Variants in PLEKHG4B observed in about 807,000 individuals in gnomAD.
The protein encoded by PLEKHG4B is pleckstrin homology and RhoGEF domain containing G4B, also known as pleckstrin homology domain-containing family G member 4B.
Under a neutral mutation model 121.3 loss-of-function variants are expected in PLEKHG4B, and 111 were observed. That is an observed-to-expected ratio of 0.92 (90% CI 0.78 to 1.07). The LOEUF (loss-of-function observed/expected upper bound fraction) is 1.07. Ranked by LOEUF, PLEKHG4B falls within the 50% of genes least tolerant of loss-of-function variation. The pLI is 0.00. For missense variants in PLEKHG4B, 1,831 were observed against 1,757.8 expected (o/e 1.04, Z -0.74); for synonymous variants, 738 against 725.0 (o/e 1.02, Z -0.29).
rs779828564 is a variant in PLEKHG4B at position 162,828 on chromosome 5, C to G, written c.2756C>G (p.Ala919Gly). The change falls in exon 13 of 20, where the codon GCC becomes GGC. Residue 919 changes from alanine (A) to glycine (G), a missense_variant. By Grantham distance (60) the Ala-to-Gly change is moderately conservative. Coordinates refer to ENST00000637938, the MANE Select transcript of PLEKHG4B (RefSeq NM_052909.5). ...HQEATSVAAE[A>G]FPGAGVAVLK... ...GAGGCTACCTCGGTGGCTGCAGAGG[C>G]CTTCCCCGGGGCAGGTGTGGCAGTG... is the stretch of plus-strand genomic sequence containing the variant. 2 of 1,512,530 alleles carry G rather than the reference C, an allele frequency of 1.3e-6. No homozygotes were observed. Among genetic ancestry groups the G allele is most frequent in the South Asian group, 2.7e-5 (2 of 75,390 alleles). The allele number at this position is 1,512,530 out of a possible 1,614,324, so 93.7% of individuals were successfully genotyped here. A position where few individuals can be genotyped will look rare whatever the true frequency, so the allele number is the denominator to read the frequency against.
intron 19 of PLEKHG4B, 86 bp downstream of exon 19, chr5:181,761 C>T (rs1733393849): frequency 2.0e-6 from 3 of 1,518,354 alleles, no homozygotes; most frequent in Non-Finnish European, 2.7e-6. Flanking sequence ...GCATCGGCCC[C>T]ACCCTCACTC....
intron 18 of PLEKHG4B, 67 bp from the exon 19 acceptor site, chr5:181,447 G>T: frequency 6.6e-7 from 1 of 1,521,668 alleles, no homozygotes; most frequent in South Asian, 1.2e-5. Flanking sequence ...TAGGGGTACC[G>T]GGCGTCTTTG....
chr5:144,534 C>T (rs982998903), intron 5 of PLEKHG4B, among the ~76,000 whole-genome samples: 3 of 152,178 alleles, frequency 2.0e-5, no homozygotes, highest in Non-Finnish European at 4.4e-5. Context: ...TGGAGCACGG[C>T]CCATTTCGTC....
intron 1 of PLEKHG4B, among the ~76,000 whole-genome samples, chr5:96,523 C>T (rs552448619): frequency 6.6e-6 from 1 of 152,122 alleles, no homozygotes; most frequent in East Asian, 1.9e-4. Flanking sequence ...TAGAAGTGCC[C>T]AAATTATTAG....
intron 18 of PLEKHG4B, among the ~76,000 whole-genome samples, chr5:174,737 GA>G (rs1244148131): frequency 6.6e-6 from 1 of 152,124 alleles, no homozygotes; most frequent in Admixed American, 6.5e-5. Flanking sequence ...TGGTAAGGGT[GA>G]GGGGTATATT....
At chr5:150,258 A>G (rs543555536) in intron 6 of PLEKHG4B, among the ~76,000 whole-genome samples, 93 of 152,344 alleles carry the variant, frequency 6.1e-4, no homozygotes, top group Non-Finnish European at 1.1e-3. Flanking sequence ...TAAGCCAATC[A>G]CAAAAAGACA....
chr5:144,633 C>T (rs549467795), intron 5 of PLEKHG4B, among the ~76,000 whole-genome samples, 194 bp from the exon 6 acceptor site: 183 of 152,260 alleles, frequency 1.2e-3, no homozygotes, highest in Non-Finnish European at 2.2e-3. Flanking sequence ...GCAGGTTCCA[C>T]GAGAGGAACA....
At chr5:92,641 C>G (rs1219484905) in intron 1 of PLEKHG4B, among the ~76,000 whole-genome samples, 1 of 151,526 alleles carries the variant, frequency 6.6e-6, no homozygotes, top group Non-Finnish European at 1.5e-5. Context: ...CTTCTTCAGG[C>G]ACCCTTTTCC....
chr5:179,961 ACT>A (rs1314282173), intron 18 of PLEKHG4B, among the ~76,000 whole-genome samples: 1 of 150,796 alleles, frequency 6.6e-6, no homozygotes, highest in African/African-American at 2.4e-5. Context: ...TCCTTTTGAG[ACT>A]CTCTATCCTG....
chr5:103,265 G>A (rs760912691), intron 1 of PLEKHG4B, among the ~76,000 whole-genome samples: 3 of 152,224 alleles, frequency 2.0e-5, no homozygotes, highest in South Asian at 4.1e-4. Flanking sequence ...GGGTTTTCCC[G>A]GGTGCTTTAT....
At chr5:164,532 CAG>C (rs201671668) in intron 13 of PLEKHG4B, among the ~76,000 whole-genome samples, 19,916 of 55,398 alleles carry the variant, frequency 0.36, 3,651 homozygotes, top group Non-Finnish European at 0.46. Context: ...AATGCTGTGA[CAG>C]GGGGCGGAGC....
chr5:97,954 T>A (rs920377973), intron 1 of PLEKHG4B, among the ~76,000 whole-genome samples: 1 of 152,192 alleles, frequency 6.6e-6, no homozygotes, highest in Admixed American at 6.5e-5. Context: ...TGTTCTTTTA[T>A]ATTTTTTACA....
chr5:179,017 C>A (rs968478905), intron 18 of PLEKHG4B, among the ~76,000 whole-genome samples: 19 of 152,068 alleles, frequency 1.2e-4, no homozygotes, highest in African/African-American at 4.3e-4. Flanking sequence ...TATTTTTGAT[C>A]CTTGGTGGAA....
rs368678894 is a variant in PLEKHG4B at position 172,882 on chromosome 5, T to G, written c.4051-15T>G. 8.7e-6 allele frequency: 14 copies of G among 1,613,892 alleles called. No individual in the cohort carries two copies. The African/African-American group carries it at 1.9e-4, about 21-fold the overall frequency. On this transcript the variant is annotated splice_polypyrimidine_tract_variant and intron_variant, in intron 16 of 19. Coordinates refer to ENST00000637938, the MANE Select transcript of PLEKHG4B (RefSeq NM_052909.5). Reference sequence around the variant, plus strand: ...GATTTTCTTGGATGAAATCCACCTGTGTGTTCCTCTGCAGGTGAATTTGAA... The same window carrying G: ...GATTTTCTTGGATGAAATCCACCTGGGTGTTCCTCTGCAGGTGAATTTGAA...
At chr5:173,843 C>A in intron 17 of PLEKHG4B, 75 bp from the exon 18 acceptor site, 1 of 1,529,828 alleles carries the variant, frequency 6.5e-7, no homozygotes, top group Non-Finnish European at 8.8e-7. Flanking sequence ...ACCTCCAGCA[C>A]TGAGGAATTT....
At chr5:114,381 A>T (rs573211065) in intron 2 of PLEKHG4B, among the ~76,000 whole-genome samples, 2 of 152,324 alleles carry the variant, frequency 1.3e-5, no homozygotes, top group East Asian at 3.9e-4. Context: ...AACTAAGTTT[A>T]TGGAGTACTC....
Position 171,040 on chromosome 5 carries a change from C to T in PLEKHG4B, c.3730-3C>T. The stretch of plus-strand genomic sequence containing the variant: ...AGCCAAGCAGTCGCCTCTGCTTTTC[C>T]AGGAAGAGCAGTTTGGGATGTACGT... On this transcript the variant is annotated splice_polypyrimidine_tract_variant and splice_region_variant and intron_variant, in intron 14 of 19. Coordinates refer to ENST00000637938, the MANE Select transcript of PLEKHG4B (RefSeq NM_052909.5). 1 of 1,608,784 alleles carries T rather than the reference C, an allele frequency of 6.2e-7. No individual in the cohort carries two copies. Among genetic ancestry groups the T allele is most frequent in the South Asian group, 1.1e-5 (1 of 90,358 alleles).
chr5:157,063 C>A lies in PLEKHG4B; in HGVS notation c.2487+152C>A. 9.1e-7 allele frequency: 1 copy of A among 1,101,570 alleles called. No homozygotes were observed. Among genetic ancestry groups the A allele is most frequent in the Non-Finnish European group, 1.3e-6 (1 of 753,750 alleles). 68.2% of individuals were successfully genotyped at this position (1,101,570 alleles called of 1,614,324 possible). A position where few individuals can be genotyped will look rare whatever the true frequency, so the allele number is the denominator to read the frequency against. On this transcript the variant is annotated intron_variant, in intron 11 of 19. Coordinates refer to ENST00000637938, the MANE Select transcript of PLEKHG4B (RefSeq NM_052909.5). This position sits in a 1 kb window ranked among gnomAD's most constrained non-coding sequence, Gnocchi z 4.6. ...TGTCAGGATAGGGCATGCCTTGCTG[C>A]TTGTGTAAAAAGAAATAAATTTTAT...
At chr5:122,034 A>G (rs988587320) in intron 2 of PLEKHG4B, among the ~76,000 whole-genome samples, 2 of 152,218 alleles carry the variant, frequency 1.3e-5, no homozygotes, top group African/African-American at 4.8e-5. Flanking sequence ...AATGTTGGGG[A>G]AAGTAAATGA....
Sources: allele counts gnomAD v4.1 joint callset (sites outside exome capture counted in the v4.1 genomes callset), GRCh38; gene constraint gnomAD v4.1.1; non-coding constraint Gnocchi (gnomAD v3.1); transcripts MANE v1.5; gene names NCBI Gene and HGNC (gene_info 2026-07-23, HGNC 2026-07-21).